Variants in SNTG1 observed in about 807,000 individuals in gnomAD.
SNTG1 encodes gamma-1-syntrophin.
SNTG1 carries 39 observed loss-of-function variants against 74.7 expected under a neutral mutation model. The ratio of observed to expected loss-of-function variants is 0.52; its 90% CI spans 0.40 to 0.68. SNTG1 has a LOEUF of 0.68. Ranked by LOEUF, SNTG1 falls within the 30% of genes least tolerant of loss-of-function variation. SNTG1 has a pLI of 0.00. For synonymous variants in SNTG1, 254 were observed against 217.1 expected, an observed-to-expected ratio of 1.17 and a Z score of -1.49; for missense variants, 685 against 609.5, an observed-to-expected ratio of 1.12 and a Z score of -1.30.
At chr8:50,301,613 G>A (rs1170500348) in intron 2 of SNTG1, among the ~76,000 whole-genome samples, 4 of 151,846 alleles carry the variant, frequency 2.6e-5, no homozygotes, top group African/African-American at 9.7e-5. Flanking sequence ...CTATTTTTAA[G>A]CTTATCTTAT....
chr8:50,075,792 C>G (rs1041004680), intron 1 of SNTG1, among the ~76,000 whole-genome samples: 1 of 152,138 alleles, frequency 6.6e-6, no homozygotes, highest in African/African-American at 2.4e-5. Context: ...ACTCCAGACG[C>G]GCCGCCTTAA....
chr8:50,590,733 T>C, intron 12 of SNTG1, 146 bp from the exon 13 acceptor site: 1 of 490,730 alleles, frequency 2.0e-6, no homozygotes, highest in Non-Finnish European at 3.6e-6. Context: ...TGTTTATATA[T>C]GTTGTTTTAT....
intron 15 of SNTG1, among the ~76,000 whole-genome samples, chr8:50,687,153 AT>A (rs66646406): frequency 0.29 from 39,646 of 137,238 alleles, 6,578 homozygotes; most frequent in African/African-American, 0.53. Flanking sequence ...AAAAAAAAAA[AT>A]AAAATAAACA....
chr8:50,545,713 A>G (rs1234025384), intron 11 of SNTG1, among the ~76,000 whole-genome samples: 1 of 152,052 alleles, frequency 6.6e-6, no homozygotes, highest in Non-Finnish European at 1.5e-5. Context: ...TGGACTTTAA[A>G]AATTCTCAAA....
chr8:50,472,314 A>G (rs979423100), intron 8 of SNTG1, among the ~76,000 whole-genome samples: 2 of 152,182 alleles, frequency 1.3e-5, no homozygotes, highest in South Asian at 2.1e-4. Context: ...CTACAGCCAA[A>G]ACAATGTGGT....
intron 5 of SNTG1, among the ~76,000 whole-genome samples, chr8:50,442,410 T>G (rs1227186373): frequency 2.0e-5 from 3 of 152,008 alleles, no homozygotes; most frequent in Non-Finnish European, 2.9e-5. Flanking sequence ...CAGCCATGCC[T>G]CCTTCCTCTC....
chr8:50,277,895 A>G (rs2088206897), intron 2 of SNTG1, among the ~76,000 whole-genome samples: 1 of 152,150 alleles, frequency 6.6e-6, no homozygotes, highest in South Asian at 2.1e-4. Context: ...TTAACTAGGA[A>G]GAGCACGCTG....
intron 1 of SNTG1, among the ~76,000 whole-genome samples, chr8:50,041,560 A>T (rs1563511883): frequency 6.6e-6 from 1 of 151,982 alleles, no homozygotes; most frequent in Non-Finnish European, 1.5e-5. Flanking sequence ...GATTGTAAAT[A>T]TTTTTTTTCT....
chr8:50,206,478 G>T (rs2084243689), intron 2 of SNTG1, among the ~76,000 whole-genome samples: 1 of 152,132 alleles, frequency 6.6e-6, no homozygotes, highest in South Asian at 2.1e-4. Context: ...TGAGACGATG[G>T]GGTTTTCTAA....
At chr8:50,499,870 T>C (rs2129639666) in intron 8 of SNTG1, among the ~76,000 whole-genome samples, 1 of 152,190 alleles carries the variant, frequency 6.6e-6, no homozygotes, top group African/African-American at 2.4e-5. Context: ...CATTTGATCA[T>C]TTTGTATTAT....
intron 11 of SNTG1, among the ~76,000 whole-genome samples, chr8:50,538,945 C>T (rs2094326928): frequency 6.6e-6 from 1 of 152,074 alleles, no homozygotes; most frequent in Non-Finnish European, 1.5e-5. Flanking sequence ...TATTTCCTGT[C>T]ATTTAACTCT....
At chr8:50,768,481 A>G (rs1037203353) in intron 18 of SNTG1, among the ~76,000 whole-genome samples, 7 of 152,030 alleles carry the variant, frequency 4.6e-5, no homozygotes, top group African/African-American at 1.7e-4. Flanking sequence ...TGGTAATCTA[A>G]ATGAATCCCT....
At chr8:50,178,152 G>C (rs1563700748) in intron 2 of SNTG1, among the ~76,000 whole-genome samples, 1 of 152,104 alleles carries the variant, frequency 6.6e-6, no homozygotes, top group Non-Finnish European at 1.5e-5. Flanking sequence ...AAAATATTCA[G>C]ACCTTACATA....
At chr8:50,427,929 T>C (rs1435238526) in intron 4 of SNTG1, among the ~76,000 whole-genome samples, 1 of 152,182 alleles carries the variant, frequency 6.6e-6, no homozygotes, top group Admixed American at 6.5e-5. Flanking sequence ...ATGCCAGAGT[T>C]TTCAGTTAGA....
chr8:50,489,584 T>C (rs1038773371), intron 8 of SNTG1, among the ~76,000 whole-genome samples: 3 of 152,308 alleles, frequency 2.0e-5, no homozygotes, highest in Admixed American at 2.0e-4. Context: ...TTTTGAGAAG[T>C]GTCTGTTCAT....
chr8:50,006,250 C>G (rs578241076), intron 1 of SNTG1, among the ~76,000 whole-genome samples: 1 of 152,086 alleles, frequency 6.6e-6, no homozygotes, highest in Admixed American at 6.6e-5. Flanking sequence ...CGTGAGCCAC[C>G]GTGCCCGGCC....
chr8:50,078,956 C>G (rs1488912616), intron 1 of SNTG1, among the ~76,000 whole-genome samples: 3 of 152,122 alleles, frequency 2.0e-5, no homozygotes, highest in Non-Finnish European at 4.4e-5. Flanking sequence ...TCCCATCTAT[C>G]ATTGATGAGC....
chr8:50,756,617 A>G (rs1472462759), intron 18 of SNTG1, among the ~76,000 whole-genome samples: 2 of 151,634 alleles, frequency 1.3e-5, no homozygotes, highest in African/African-American at 2.4e-5. Flanking sequence ...CTTCTGTTCC[A>G]TTGATCTATT....
At chr8:50,281,759 G>A (rs2088469281) in intron 2 of SNTG1, among the ~76,000 whole-genome samples, 2 of 152,156 alleles carry the variant, frequency 1.3e-5, no homozygotes, top group South Asian at 4.2e-4. Flanking sequence ...AGTAACATTG[G>A]TTTCTTTGCA....
Sources: allele counts gnomAD v4.1 joint callset (sites outside exome capture counted in the v4.1 genomes callset), GRCh38; gene constraint gnomAD v4.1.1; transcripts MANE v1.5; gene names NCBI Gene and HGNC (gene_info 2026-07-23, HGNC 2026-07-21).